Variants in NPEPPS observed in about 807,000 individuals in gnomAD.
The protein encoded by NPEPPS is aminopeptidase puromycin sensitive.
A neutral mutation model predicts 115.5 loss-of-function variants in NPEPPS; 14 were observed. The ratio of observed to expected loss-of-function variants is 0.12; its 90% CI spans 0.08 to 0.19. The LOEUF is 0.19. Among genes scored for constraint, NPEPPS ranks in the 10% least tolerant of loss-of-function variants. The probability of loss-of-function intolerance (pLI) is 1.00; values close to 1 mark genes in which losing one functional copy is unlikely to be tolerated. For synonymous variants in NPEPPS, 285 were observed against 390.6 expected, an observed-to-expected ratio of 0.73 and a Z score of 3.19; for missense variants, 523 against 1,110.8, an observed-to-expected ratio of 0.47 and a Z score of 7.52.
rs143767815 is a variant in NPEPPS at position 47,607,393 on chromosome 17, A to T, written c.2095+1841A>T. Among the ~76,000 whole-genome samples the T allele has an allele frequency of 1.9e-3, 288 of 152,302 alleles. 6 individuals carry two copies. Among genetic ancestry groups the T allele is most frequent in the South Asian group, 2.1e-3 (10 of 4,824 alleles). ...AAAGACCTGAGATGGGAGCATGCTT[A>T]GGGTATTCGAGGAATAACAAGAAAG... On this transcript the variant is annotated intron_variant, in intron 17 of 22. Coordinates refer to ENST00000322157, the MANE Select transcript of NPEPPS (RefSeq NM_006310.4).
chr17:47,564,272 A>G (rs967469638), intron 2 of NPEPPS, among the ~76,000 whole-genome samples: 3 of 152,162 alleles, frequency 2.0e-5, no homozygotes, highest in African/African-American at 7.2e-5. Context: ...ATACTCCTAT[A>G]ATCTCAGCTA....
At chr17:47,582,594 T>C in intron 4 of NPEPPS, 148 bp from the exon 5 acceptor site, 1 of 691,400 alleles carries the variant, frequency 1.4e-6, no homozygotes, top group Non-Finnish European at 2.6e-6. Flanking sequence ...TCTTTCTAGT[T>C]AATGCCTGGC....
At chr17:47,525,074 A>T (rs1907380692) in intron 1 of NPEPPS, among the ~76,000 whole-genome samples, 1 of 151,840 alleles carries the variant, frequency 6.6e-6, no homozygotes, top group South Asian at 2.1e-4. Context: ...GAGGGAAATG[A>T]ATTTCCAAGG....
Position 47,531,571 on chromosome 17 carries a change from G to A in NPEPPS, c.255+16G>A. 3.8e-6 allele frequency: 6 copies of A among 1,588,530 alleles called. No homozygotes were observed. Among genetic ancestry groups the A allele is most frequent in the Non-Finnish European group, 5.1e-6 (6 of 1,169,520 alleles). ...CGCCGCCCAGGTACAGCGACCCTCG[G>A]GCCCCGGGGCAAGCTGCGGGGCGAG... On this transcript the variant is annotated intron_variant, in intron 1 of 22. Coordinates refer to ENST00000322157, the MANE Select transcript of NPEPPS (RefSeq NM_006310.4).
At chr17:47,608,811 A>T (rs1253902433) in intron 17 of NPEPPS, among the ~76,000 whole-genome samples, 1 of 152,200 alleles carries the variant, frequency 6.6e-6, no homozygotes, top group Non-Finnish European at 1.5e-5. Context: ...GAAACAGTAG[A>T]TGAAGGCAGA....
chr17:47,547,766 C>T (rs1909325287), intron 2 of NPEPPS, among the ~76,000 whole-genome samples: 2 of 152,164 alleles, frequency 1.3e-5, no homozygotes, highest in African/African-American at 4.8e-5. Context: ...GTGGCTCACG[C>T]CTGTAATTCC....
At chr17:47,608,651 T>C (rs796798449) in intron 17 of NPEPPS, among the ~76,000 whole-genome samples, 4 of 152,070 alleles carry the variant, frequency 2.6e-5, no homozygotes, top group African/African-American at 9.6e-5. Context: ...AGTGACTGAG[T>C]GTAAGTAGAA....
rs866124649 is a variant in NPEPPS at position 47,608,022 on chromosome 17, G to T, written c.2095+2470G>T. 6.2e-3 allele frequency among the ~76,000 whole-genome samples: 902 copies of T among 146,128 alleles called. 5 individuals carry two copies. Among genetic ancestry groups the T allele is most frequent in the African/African-American group, 0.018 (720 of 39,540 alleles). ...ATACCCAGCTATGTTTTTTTTTTTTGGAAAAGATGAGACTTCACTGTGTTG... is the reference window on the plus strand; with the variant it reads ...ATACCCAGCTATGTTTTTTTTTTTTTGAAAAGATGAGACTTCACTGTGTTG... On this transcript the variant is annotated intron_variant, in intron 17 of 22. Transcript: ENST00000322157.
At chr17:47,542,546 CA>C (rs397857323) in intron 1 of NPEPPS, among the ~76,000 whole-genome samples, 38,595 of 83,590 alleles carry the variant, frequency 0.46, 5,378 homozygotes, top group East Asian at 0.59. Context: ...AGCTCCGTCT[CA>C]AAAAAAAAAA....
intron 21 of NPEPPS, chr17:47,619,522 C>T: frequency 1.8e-6 from 1 of 554,510 alleles, no homozygotes; most frequent in South Asian, 2.1e-5. Context: ...TCATTGCACT[C>T]CAGCCTGGGC....
chr17:47,612,752 C>T (rs1913955476), intron 18 of NPEPPS, 150 bp downstream of exon 18: 3 of 664,770 alleles, frequency 4.5e-6, no homozygotes, highest in African/African-American at 1.8e-5. Context: ...CAGCCTCTGT[C>T]CCCCGAGTTC....
chr17:47,613,426 C>T (rs1478128820), intron 18 of NPEPPS, among the ~76,000 whole-genome samples: 1 of 151,702 alleles, frequency 6.6e-6, no homozygotes, highest in East Asian at 1.9e-4. Context: ...GCTACCACGC[C>T]CAGCTAATTT....
chr17:47,574,148 G>A (rs1279761562), intron 3 of NPEPPS, among the ~76,000 whole-genome samples: 2 of 152,062 alleles, frequency 1.3e-5, no homozygotes, highest in African/African-American at 4.8e-5. Flanking sequence ...AGGATATTTA[G>A]TTAAGAAGAA....
upstream of NPEPPS, among the ~76,000 whole-genome samples, chr17:47,529,230 A>G (rs1298273814): frequency 6.6e-6 from 1 of 152,038 alleles, no homozygotes; most frequent in East Asian, 1.9e-4. Flanking sequence ...ACATTTTTAA[A>G]ATTGTTATTT....
At chr17:47,616,804 AC>A (rs1404012588) in intron 19 of NPEPPS, among the ~76,000 whole-genome samples, 1 of 150,284 alleles carries the variant, frequency 6.7e-6, no homozygotes, top group Non-Finnish European at 1.5e-5. Flanking sequence ...AAAAAAAGAG[AC>A]CAGCCTGGTC....
chr17:47,554,566 C>A (rs1909876659), intron 2 of NPEPPS, among the ~76,000 whole-genome samples: 1 of 151,758 alleles, frequency 6.6e-6, no homozygotes, highest in African/African-American at 2.4e-5. Context: ...GGCTTTATTG[C>A]TGAAGTTGGT....
At chr17:47,563,559 A>G (rs1910588153) in intron 2 of NPEPPS, among the ~76,000 whole-genome samples, 1 of 152,002 alleles carries the variant, frequency 6.6e-6, no homozygotes, top group African/African-American at 2.4e-5. Flanking sequence ...AAGGTGTGTT[A>G]TGATCTAGAA....
chr17:47,619,140 A>G lies in NPEPPS; in HGVS notation c.2535A>G (p.Gly845=). 1 of 1,613,702 alleles carries G rather than the reference A, an allele frequency of 6.2e-7. No homozygotes were observed. Among genetic ancestry groups the G allele is most frequent in the Non-Finnish European group, 8.5e-7 (1 of 1,179,736 alleles). Residue 845 remains glycine (G), a synonymous_variant, in exon 21 of 23, where the codon GGA becomes GGG. Transcript: ENST00000322157. ...WEELYNRYQG[G]FLISRLIKLS... ...AACTTTATAACCGATACCAGGGAGGATTCTTAATATCCAGACTAATAAAGG... is the reference window on the plus strand; with the variant it reads ...AACTTTATAACCGATACCAGGGAGGGTTCTTAATATCCAGACTAATAAAGG...
intron 12 of NPEPPS, among the ~76,000 whole-genome samples, chr17:47,594,591 T>TTATGTTATGTTATG (rs1912730751): frequency 7.6e-4 from 105 of 138,290 alleles, no homozygotes; most frequent in Middle Eastern, 7.4e-3. Context: ...TGTATTTTAT[T>TTATGTTATGTTATG]TTATGTTATG....
Sources: gnomAD v4.1 joint callset for allele counts (sites outside exome capture counted in the v4.1 genomes callset) on GRCh38, gnomAD v4.1.1 for gene constraint, MANE v1.5 for transcripts, NCBI Gene and HGNC (gene_info 2026-07-23, HGNC 2026-07-21) for gene names.